The following ACSS3 variants were observed in gnomAD, a reference collection of about 807,000 sequenced individuals.
The protein encoded by ACSS3 is acyl-CoA synthetase short chain family member 3, also known as acyl-CoA synthetase short-chain family member 3, mitochondrial.
Under a neutral mutation model 84.2 loss-of-function variants are expected in ACSS3, and 64 were observed. The ratio of observed to expected loss-of-function variants is 0.76; its 90% CI spans 0.62 to 0.94. The LOEUF is 0.94. Among genes scored for constraint, ACSS3 ranks in the 40% least tolerant of loss-of-function variants. ACSS3 has a pLI of 0.00. For synonymous variants in ACSS3, 317 were observed against 310.1 expected (o/e 1.02, Z -0.23); for missense variants, 815 against 867.6 (o/e 0.94, Z 0.76).
rs1339172297 is a variant in ACSS3, at chr12:81,080,695, G to A, written c.311+2264G>A. Among the ~76,000 whole-genome samples the A allele has an allele frequency of 3.3e-5, 5 of 152,132 alleles. No homozygotes were observed. In the East Asian group the frequency reaches 7.7e-4, roughly 23 times the overall value. On this transcript the variant is annotated intron_variant, in intron 1 of 15. Transcript: ENST00000548058. Reference sequence around the variant, plus strand: ...AAATGAAGATAGTCCTGATTGGTTAGCAAATTTCCACAAAGCCAAACAGAA... The same window carrying A: ...AAATGAAGATAGTCCTGATTGGTTAACAAATTTCCACAAAGCCAAACAGAA...
chr12:81,241,449 T>G (rs1210930749), intron 13 of ACSS3, among the ~76,000 whole-genome samples: 1 of 152,050 alleles, frequency 6.6e-6, no homozygotes. Context: ...TACAGTCCCA[T>G]CAACAGTGTA....
At chr12:81,192,020 A>C (rs1310476101) in intron 8 of ACSS3, among the ~76,000 whole-genome samples, 1 of 152,134 alleles carries the variant, frequency 6.6e-6, no homozygotes, top group African/African-American at 2.4e-5. Context: ...TGTCTTTCTA[A>C]TGTCTCTTTT....
intron 1 of ACSS3, among the ~76,000 whole-genome samples, chr12:81,107,187 A>G (rs1437847335): frequency 6.6e-6 from 1 of 152,052 alleles, no homozygotes; most frequent in Non-Finnish European, 1.5e-5. Context: ...AGCGTGAGCT[A>G]AGGGATGCAT....
chr12:81,253,181 A>G, intron 13 of ACSS3, 126 bp from the exon 14 acceptor site: 2 of 1,012,372 alleles, frequency 2.0e-6, no homozygotes, highest in Non-Finnish European at 2.9e-6. Context: ...CTTGTCTTAC[A>G]TGCACTTTTT....
intron 5 of ACSS3, among the ~76,000 whole-genome samples, chr12:81,144,902 T>TC (rs1886253809): frequency 1.4e-5 from 1 of 71,834 alleles, no homozygotes; most frequent in Non-Finnish European, 3.3e-5. Flanking sequence ...TTTTTTCTTT[T>TC]CTTTTTTTTT....
In ACSS3 at chr12:81,151,922, G is replaced by A; in HGVS notation, c.1000G>A (p.Glu334Lys). 6.2e-7 allele frequency: 1 copy of A among 1,613,836 alleles called. No homozygotes were observed. Among genetic ancestry groups the A allele is most frequent in the East Asian group, 2.2e-5 (1 of 44,858 alleles). Residue 334 changes from glutamate to lysine, a missense_variant and splice_region_variant, in exon 6 of 16, where the codon GAG becomes AAG. Transcript: ENST00000548058. ...MSSIYGLQPG[E>K]VWWAASDLGW... is the part of the protein sequence containing the mutation. The stretch of plus-strand genomic sequence containing the variant: ...TTCCATATACGGACTTCAACCCGGA[G>A]AGGTAATCGTGGTTTTAAATTTACA...
intron 13 of ACSS3, among the ~76,000 whole-genome samples, chr12:81,252,154 A>G (rs1410387048): frequency 6.6e-6 from 1 of 151,936 alleles, no homozygotes; most frequent in East Asian, 1.9e-4. Context: ...AGATCTACTC[A>G]TTGTTATTTC....
intron 7 of ACSS3, among the ~76,000 whole-genome samples, chr12:81,169,492 C>T (rs567929902): frequency 5.2e-4 from 79 of 152,184 alleles, no homozygotes; most frequent in Non-Finnish European, 9.7e-4. Flanking sequence ...TACTTTAAAA[C>T]TTACGAAAGG....
chr12:81,162,462 G>A lies in ACSS3; in HGVS notation c.1098+10366G>A, dbSNP rs569099536. Among the ~76,000 whole-genome samples, 277 of 152,268 alleles carry A rather than the reference G, an allele frequency of 1.8e-3. 1 individual carries two copies. Among genetic ancestry groups the A allele is most frequent in the African/African-American group, 6.2e-3 (256 of 41,556 alleles). On this transcript the variant is annotated intron_variant, in intron 7 of 15. Transcript: ENST00000548058. ...ACTCTGTGAGTCTGGCTGAGTCTGG[G>A]GTTTTTATGGTCTTCAGAAGGGAGA...
intron 1 of ACSS3, among the ~76,000 whole-genome samples, chr12:81,094,888 A>T (rs1789527259): frequency 6.6e-6 from 1 of 152,194 alleles, no homozygotes; most frequent in African/African-American, 2.4e-5. Flanking sequence ...CCAGAGCAAC[A>T]TTAACACCAG....
At chr12:81,199,526 C>A (rs563342192) in intron 9 of ACSS3, 82 bp downstream of exon 9, 1 of 1,487,608 alleles carries the variant, frequency 6.7e-7, no homozygotes. Flanking sequence ...TTTTGAGCTA[C>A]GACCAGCAGA....
intron 1 of ACSS3, among the ~76,000 whole-genome samples, chr12:81,081,859 T>C (rs895045657): frequency 6.6e-6 from 1 of 152,184 alleles, no homozygotes; most frequent in Non-Finnish European, 1.5e-5. Flanking sequence ...GTCAAGATAC[T>C]GTGGGTTTCT....
chr12:81,101,347 T>G (rs1471963325), intron 1 of ACSS3, among the ~76,000 whole-genome samples: 1 of 152,166 alleles, frequency 6.6e-6, no homozygotes, highest in African/African-American at 2.4e-5. Flanking sequence ...CCATTCAGTA[T>G]GTAAATACGT....
chr12:81,176,095 G>A (rs941778120), intron 8 of ACSS3, among the ~76,000 whole-genome samples: 4 of 152,052 alleles, frequency 2.6e-5, no homozygotes, highest in Admixed American at 2.0e-4. Context: ...AATCTTGATA[G>A]GCCACTAGCT....
chr12:81,081,265 A>G (rs1187978509), intron 1 of ACSS3, among the ~76,000 whole-genome samples: 1 of 152,232 alleles, frequency 6.6e-6, no homozygotes, highest in Non-Finnish European at 1.5e-5. Context: ...AGGGCGATAT[A>G]TGGAAGGGAA....
intron 8 of ACSS3, among the ~76,000 whole-genome samples, chr12:81,178,484 A>G (rs996630878): frequency 1.3e-5 from 2 of 151,684 alleles, no homozygotes; most frequent in East Asian, 3.9e-4. Context: ...ATAAAAAAAA[A>G]CATTTCTATA....
intron 5 of ACSS3, among the ~76,000 whole-genome samples, chr12:81,149,361 A>G (rs1387010135): frequency 6.6e-6 from 1 of 152,164 alleles, no homozygotes; most frequent in African/African-American, 2.4e-5. Flanking sequence ...GTGATTATAA[A>G]CAGGAAACAA....
intron 2 of ACSS3, among the ~76,000 whole-genome samples, chr12:81,129,960 CT>C (rs1472246494): frequency 6.6e-6 from 1 of 152,012 alleles, no homozygotes; most frequent in Non-Finnish European, 1.5e-5. Flanking sequence ...TGAACTCATC[CT>C]TTTTTATGGC....
intron 9 of ACSS3, among the ~76,000 whole-genome samples, chr12:81,214,600 G>A (rs1229768898): frequency 6.6e-6 from 1 of 152,122 alleles, no homozygotes; most frequent in East Asian, 1.9e-4. Flanking sequence ...GGAATCTCAG[G>A]AGGTTCGTAT....
Sources: gnomAD v4.1 joint callset for allele counts (sites outside exome capture counted in the v4.1 genomes callset) on GRCh38, gnomAD v4.1.1 for gene constraint, MANE v1.5 for transcripts, NCBI Gene and HGNC (gene_info 2026-07-23, HGNC 2026-07-21) for gene names.